The following GAN variants were observed in gnomAD, a reference collection of about 807,000 sequenced individuals.
GAN encodes gigaxonin.
In GAN, 48 loss-of-function variants were observed where a neutral mutation model predicts 71.3. The observed-to-expected ratio is 0.67, with a 90% CI of 0.53 to 0.86. The LOEUF is 0.86. Ranked by LOEUF, GAN falls within the 40% of genes least tolerant of loss-of-function variation. The pLI, the probability that GAN is intolerant of heterozygous loss-of-function variation, is 0.00. For synonymous variants in GAN, 386 were observed against 276.8 expected (o/e 1.39, Z -3.92); for missense variants, 928 against 770.1 (o/e 1.21, Z -2.43).
rs73585639 is a variant in GAN, at chr16:81,323,421, T to A, written c.167+8141T>A. On this transcript the variant is annotated intron_variant, in intron 1 of 10. Transcript: ENST00000648994. ...CTTTATTTATAGGCTTCTTTCATAG[T>A]GATCAGAAAAGGGGTTATGAAAATA... 5.7e-3 allele frequency among the ~76,000 whole-genome samples: 870 copies of A among 152,298 alleles called. 9 individuals are homozygous for A. The highest frequency in any genetic ancestry group is 0.02 in the African/African-American group (837 of 41,570).
At chr16:81,337,769 C>G (rs528575194) in intron 1 of GAN, among the ~76,000 whole-genome samples, 6 of 152,302 alleles carry the variant, frequency 3.9e-5, no homozygotes, top group Admixed American at 2.6e-4. Context: ...AATATTGTTT[C>G]ACTTCCTGCT....
At chr16:81,358,646 T>C (rs934319270) in intron 5 of GAN, among the ~76,000 whole-genome samples, 15 of 152,076 alleles carry the variant, frequency 9.9e-5, no homozygotes, top group African/African-American at 7.2e-5. Context: ...TATGAGACTT[T>C]AGGAAATGCT....
In GAN at chr16:81,379,260, T is replaced by G. The variant is rs898929292; in HGVS notation, c.*1664T>G. On this transcript the variant is annotated 3_prime_UTR_variant, in exon 11 of 11. Transcript: ENST00000648994. ...GGGTGACCTGTGATTTTTTTTCTTA[T>G]ACCTGCTGGAAGTCAGTACAATGCG... 8 of 152,354 alleles carry G rather than the reference T, an allele frequency of 5.3e-5. No individual in the cohort carries two copies. Among genetic ancestry groups the G allele is most frequent in the African/African-American group, 1.7e-4 (7 of 41,582 alleles). The allele number at this position is 152,354 out of a possible 1,614,324, so 9.4% of individuals were successfully genotyped here.
intron 1 of GAN, among the ~76,000 whole-genome samples, chr16:81,345,994 A>ATTGC (rs1417014987): frequency 6.6e-6 from 1 of 152,228 alleles, no homozygotes; most frequent in African/African-American, 2.4e-5. Flanking sequence ...CACATGCGCA[A>ATTGC]GCAAGTACAG....
At chr16:81,318,908 C>G (rs1909133129) in intron 1 of GAN, among the ~76,000 whole-genome samples, 1 of 152,214 alleles carries the variant, frequency 6.6e-6, no homozygotes, top group African/African-American at 2.4e-5. Flanking sequence ...GGTCCCTCAG[C>G]TCAGTAAATG....
intron 7 of GAN, among the ~76,000 whole-genome samples, chr16:81,364,605 G>A (rs1020724443): frequency 6.6e-5 from 10 of 152,114 alleles, no homozygotes; most frequent in African/African-American, 9.7e-5. Context: ...GGAAGGATCT[G>A]TTGAGCCCAG....
In GAN at chr16:81,351,590, T is replaced by C; in HGVS notation, c.175T>C (p.Leu59=). ...TTTTTTTCCCTTTCTTAGGACAAAGTTAAACTATAATCCTCCAAAAGATGA... is the reference window on the plus strand; with the variant it reads ...TTTTTTTCCCTTTCTTAGGACAAAGCTAAACTATAATCCTCCAAAAGATGA... ...AAASPYIRTK[L]NYNPPKDDGS... is the part of the protein sequence containing the mutation. Residue 59 remains leucine, a synonymous_variant, in exon 2 of 11, where the codon TTA becomes CTA. Transcript: ENST00000648994. 3 of 1,400,924 alleles carry C rather than the reference T, an allele frequency of 2.1e-6. No individual in the cohort carries two copies. Among genetic ancestry groups the C allele is most frequent in the Non-Finnish European group, 3.0e-6 (3 of 985,326 alleles). 86.8% of individuals were successfully genotyped at this position (1,400,924 alleles called of 1,614,324 possible).
intron 5 of GAN, among the ~76,000 whole-genome samples, chr16:81,360,556 C>G (rs1183212562): frequency 6.6e-6 from 1 of 151,592 alleles, no homozygotes; most frequent in Non-Finnish European, 1.5e-5. Context: ...GATTAATCTG[C>G]TATTACATTT....
intron 1 of GAN, among the ~76,000 whole-genome samples, chr16:81,337,403 T>C (rs911172883): frequency 1.3e-5 from 2 of 152,226 alleles, no homozygotes; most frequent in Non-Finnish European, 2.9e-5. Flanking sequence ...TTGCTTTTAT[T>C]GGAGACAAGC....
At chr16:81,317,705 C>A (rs535494760) in intron 1 of GAN, among the ~76,000 whole-genome samples, 2 of 152,240 alleles carry the variant, frequency 1.3e-5, no homozygotes, top group African/African-American at 2.4e-5. Context: ...CCTACTCTTG[C>A]CCTACCACGT....
chr16:81,381,803 C>T lies in GAN; in HGVS notation c.*4207C>T, dbSNP rs956065471. 1 of 152,152 alleles carries T rather than the reference C, an allele frequency of 6.6e-6. No homozygotes were observed. The highest frequency in any genetic ancestry group is 2.4e-5 in the African/African-American group (1 of 41,428). 9.4% of individuals were successfully genotyped at this position (152,152 alleles called of 1,614,324 possible). On this transcript the variant is annotated 3_prime_UTR_variant, in exon 11 of 11. Transcript: ENST00000648994. ...TGTTCTTCTGTTGAAAAGGGCACTCCAAGAGTGACTGATTTTACTGGGTTT... is the reference window on the plus strand; with the variant it reads ...TGTTCTTCTGTTGAAAAGGGCACTCTAAGAGTGACTGATTTTACTGGGTTT...
In GAN at chr16:81,386,984, A is replaced by G. The variant is rs1904420939; in HGVS notation, c.*9388A>G. 1 of 152,276 alleles carries G rather than the reference A, an allele frequency of 6.6e-6. No individual in the cohort carries two copies. The highest frequency in any genetic ancestry group is 1.5e-5 in the Non-Finnish European group (1 of 68,082). 9.4% of individuals were successfully genotyped at this position (152,276 alleles called of 1,614,324 possible). On this transcript the variant is annotated 3_prime_UTR_variant, in exon 11 of 11. Transcript: ENST00000648994. ...GAAAGGGAAGTAGAAGTAGGATTTA[A>G]CAAAGGACCGAGAAGTCGGCTGAAT...
At chr16:81,367,465 T>G (rs8058279) in intron 9 of GAN, among the ~76,000 whole-genome samples, 105,825 of 151,924 alleles carry the variant, frequency 0.7, 37,285 homozygotes, top group East Asian at 0.87. Context: ...GGAGGTGGAG[T>G]GTGCAGTGAG....
At position 81,383,286 on chromosome 16, in the gene GAN, T is replaced by C. The variant is rs951435911; in HGVS notation, c.*5690T>C. On this transcript the variant is annotated 3_prime_UTR_variant, in exon 11 of 11. Coordinates refer to ENST00000648994, the MANE Select transcript of GAN (RefSeq NM_022041.4). ...TTTTTTTTTTGAGACGGAGTCTCGC[T>C]CTGTCGCCTAGGCTGGAGTGCAGTG... The C allele has an allele frequency of 1.5e-5, 2 of 134,842 alleles. No homozygotes were observed. The highest frequency in any genetic ancestry group is 3.1e-5 in the Non-Finnish European group (2 of 64,584). The allele number at this position is 134,842 out of a possible 1,614,324, so 8.4% of individuals were successfully genotyped here.
chr16:81,334,925 G>A (rs1291958384), intron 1 of GAN, among the ~76,000 whole-genome samples: 2 of 152,150 alleles, frequency 1.3e-5, no homozygotes, highest in East Asian at 1.9e-4. Flanking sequence ...ATTTTATTTG[G>A]TATGGGGATA....
intron 5 of GAN, among the ~76,000 whole-genome samples, chr16:81,360,947 G>T (rs1910652947): frequency 6.6e-6 from 1 of 152,120 alleles, no homozygotes; most frequent in African/African-American, 2.4e-5. Context: ...GTAGCAGCCG[G>T]GCGCAGTGGC....
In GAN at chr16:81,378,419, A is replaced by G. The variant is rs1016948687; in HGVS notation, c.*823A>G. The G allele has an allele frequency of 3.9e-5, 6 of 152,208 alleles. No homozygotes were observed. The highest frequency in any genetic ancestry group is 1.9e-4 in the East Asian group (1 of 5,196). 9.4% of individuals were successfully genotyped at this position (152,208 alleles called of 1,614,324 possible). A position where few individuals can be genotyped will look rare whatever the true frequency, so the allele number is the denominator to read the frequency against. On this transcript the variant is annotated 3_prime_UTR_variant, in exon 11 of 11. Coordinates refer to ENST00000648994, the MANE Select transcript of GAN (RefSeq NM_022041.4). ...CAATGAGCAAAACCATTTTCTAAGTATGAGGATATTAGTGAGTAGGAGATT... is the reference window on the plus strand; with the variant it reads ...CAATGAGCAAAACCATTTTCTAAGTGTGAGGATATTAGTGAGTAGGAGATT...
rs1217487058 is a variant in GAN, at chr16:81,382,769, A to T, written c.*5173A>T. On this transcript the variant is annotated 3_prime_UTR_variant, in exon 11 of 11. Transcript: ENST00000648994. ...TGGTATTGACTGCTAGGCATTTTCT[A>T]TATTTTTTGCAAGTTAGCTGGTAAA... 1 of 152,058 alleles carries T rather than the reference A, an allele frequency of 6.6e-6. No homozygotes were observed. Among genetic ancestry groups the T allele is most frequent in the Non-Finnish European group, 1.5e-5 (1 of 68,016 alleles). The allele number at this position is 152,058 out of a possible 1,614,324, so 9.4% of individuals were successfully genotyped here. A position where few individuals can be genotyped will look rare whatever the true frequency, so the allele number is the denominator to read the frequency against.
rs117642837 is a variant in GAN, at chr16:81,315,039, G to T, written c.-75G>T. The T allele has an allele frequency of 1.6e-6, 2 of 1,212,852 alleles. No homozygotes were observed. The highest frequency in any genetic ancestry group is 6.5e-5 in the East Asian group (2 of 30,858). The allele number at this position is 1,212,852 out of a possible 1,614,324, so 75.1% of individuals were successfully genotyped here. A position where few individuals can be genotyped will look rare whatever the true frequency, so the allele number is the denominator to read the frequency against. On this transcript the variant is annotated 5_prime_UTR_variant, in exon 1 of 11. In the 5' UTR this introduces an upstream ATG that the reference lacks. Transcript: ENST00000648994. Reference sequence around the variant, plus strand: ...GCCGGGCCGGGCGGGCGCGCGCGCAGGACTCGGGCCGCTCGAGGGGTCCGG... The same window carrying T: ...GCCGGGCCGGGCGGGCGCGCGCGCATGACTCGGGCCGCTCGAGGGGTCCGG...
Sources: allele counts gnomAD v4.1 joint callset (sites outside exome capture counted in the v4.1 genomes callset), GRCh38; gene constraint gnomAD v4.1.1; transcripts MANE v1.5; gene names NCBI Gene and HGNC (gene_info 2026-07-23, HGNC 2026-07-21).